NOC3L: variants seen among roughly 807,000 people sequenced by gnomAD.
The protein encoded by NOC3L is nucleolar complex protein 3 homolog.
In NOC3L, 85 loss-of-function variants were observed where a neutral mutation model predicts 102.5. The ratio of observed to expected loss-of-function variants is 0.83; its 90% CI spans 0.70 to 0.99. The LOEUF is 0.99. Ranked by LOEUF, NOC3L falls within the 50% of genes least tolerant of loss-of-function variation. NOC3L has a pLI of 0.00. For synonymous variants in NOC3L, 303 were observed against 309.4 expected (o/e 0.98, Z 0.22); for missense variants, 878 against 914.9 (o/e 0.96, Z 0.52).
intron 17 of NOC3L, 138 bp downstream of exon 17, chr10:94,339,601 T>G: frequency 1.4e-6 from 1 of 734,962 alleles, no homozygotes; most frequent in South Asian, 2.1e-5. Flanking sequence ...ATATACCTCT[T>G]TTGTCACCTG....
intron 10 of NOC3L, among the ~76,000 whole-genome samples, chr10:94,348,063 T>A (rs1171954992): frequency 2.0e-5 from 3 of 150,972 alleles, no homozygotes; most frequent in African/African-American, 7.3e-5. Context: ...CAGCATTTTA[T>A]ATCAGCAGAA....
At chr10:94,341,936 CT>C (rs1347969146) in intron 13 of NOC3L, among the ~76,000 whole-genome samples, 191 bp from the exon 14 acceptor site, 1 of 152,204 alleles carries the variant, frequency 6.6e-6, no homozygotes, top group Non-Finnish European at 1.5e-5. Flanking sequence ...CCATTGAACA[CT>C]AAACTCAGTA....
At chr10:94,336,884 C>T (rs1476923416) in intron 19 of NOC3L, among the ~76,000 whole-genome samples, 1 of 151,542 alleles carries the variant, frequency 6.6e-6, no homozygotes, top group African/African-American at 2.4e-5. Context: ...GCCTGGCCAG[C>T]ATGGTGAAAC....
chr10:94,325,850 T>A, the NOC3L span, among the ~76,000 whole-genome samples: 96 of 152,274 alleles, frequency 6.3e-4, no homozygotes, highest in African/African-American at 2.3e-3. Flanking sequence ...TGTTCTAATT[T>A]AGGTTTGATG....
intron 10 of NOC3L, among the ~76,000 whole-genome samples, chr10:94,347,991 CCTTT>C (rs951612764): frequency 2.0e-5 from 3 of 151,240 alleles, no homozygotes; most frequent in African/African-American, 4.9e-5. Context: ...TCAATTATAC[CCTTT>C]CTGATTATTA....
Position 94,350,253 on chromosome 10 carries a change from C to A in NOC3L, c.988G>T (p.Val330Phe). 5.0e-6 allele frequency: 8 copies of A among 1,614,126 alleles called. No individual in the cohort carries two copies. The highest frequency in any genetic ancestry group is 6.8e-6 in the Non-Finnish European group (8 of 1,180,010). Residue 330 changes from valine (V) to phenylalanine (F), a missense_variant, in exon 9 of 21, where the codon GTT becomes TTT. Transcript: ENST00000371361. Reference sequence around the variant, plus strand: ...AGTCCTTTGTATGCCTTTAAGGAAACTACATTACTTTTCTTCAGCTTCCTC... The same window carrying A: ...AGTCCTTTGTATGCCTTTAAGGAAAATACATTACTTTTCTTCAGCTTCCTC... The part of the protein sequence containing the change: ...KQRKLKKSNV[V>F]SLKAYKGLAE...
At chr10:94,342,946 G>A (rs1194002577) in intron 13 of NOC3L, among the ~76,000 whole-genome samples, 1 of 152,026 alleles carries the variant, frequency 6.6e-6, no homozygotes, top group Admixed American at 6.6e-5. Flanking sequence ...TTAGCCAGGT[G>A]TGATGGCACA....
In NOC3L at chr10:94,355,108, A is replaced by AT; in HGVS notation, c.566-16dup. On this transcript the variant is annotated splice_polypyrimidine_tract_variant and intron_variant, in intron 5 of 20. Transcript: ENST00000371361. ...TTCAATGATCTCTAAAACAGATTAG[A>AT]TGTTCCCTTACATATTCCTCTGCTT... The AT allele has an allele frequency of 2.5e-6, 4 of 1,601,514 alleles. No homozygotes were observed. The highest frequency in any genetic ancestry group is 3.4e-6 in the Non-Finnish European group (4 of 1,172,764).
Position 94,346,472 on chromosome 10 carries a change from T to C in NOC3L, c.1342A>G (p.Met448Val). The C allele has an allele frequency of 6.6e-7, 1 of 1,516,144 alleles. No individual in the cohort carries two copies. The highest frequency in any genetic ancestry group is 8.9e-7 in the Non-Finnish European group (1 of 1,128,450). 93.9% of individuals were successfully genotyped at this position (1,516,144 alleles called of 1,614,324 possible). The change falls in exon 11 of 21, where the codon ATG becomes GTG. Residue 448 changes from methionine (M) to valine (V), a missense_variant. Met to Val is a conservative substitution (Grantham distance 21, BLOSUM62 1). Coordinates refer to ENST00000371361, the MANE Select transcript of NOC3L (RefSeq NM_022451.11). ...TEDINKPKKFMTFKEKRKSLS... is the reference protein window; with the variant it reads ...TEDINKPKKFVTFKEKRKSLS... ...GATTTTCTCTTTTCTTTGAAAGTCA[T>C]AAATTTTTTTGGTTTATTAATGTCT...
At chr10:94,359,994 C>T (rs2054534114) in intron 2 of NOC3L, among the ~76,000 whole-genome samples, 1 of 152,182 alleles carries the variant, frequency 6.6e-6, no homozygotes, top group African/African-American at 2.4e-5. Context: ...TTGGAAACAA[C>T]CTAAGTGTTC....
rs555437599 is a variant in NOC3L at position 94,337,194 on chromosome 10, A to G, written c.2189+583T>C. Among the ~76,000 whole-genome samples the G allele has an allele frequency of 2.0e-5, 3 of 152,280 alleles. No individual in the cohort carries two copies. In the East Asian group the frequency reaches 5.8e-4, roughly 29 times the overall value. The stretch of plus-strand genomic sequence containing the variant: ...CCTTTTCCCCATCTGGGTGTGAGGT[A>G]GATGCTGGAAGTACCCATCCAAGCT... On this transcript the variant is annotated intron_variant, in intron 19 of 20. Coordinates refer to ENST00000371361, the MANE Select transcript of NOC3L (RefSeq NM_022451.11).
chr10:94,329,749 G>T (rs1024016882), downstream of NOC3L: 1 of 116,970 alleles, frequency 8.5e-6, no homozygotes, highest in Non-Finnish European at 1.6e-5. Flanking sequence ...CCACGCTCCA[G>T]CCTGGTGACA....
chr10:94,324,703 GCTTT>G, the NOC3L span: 1 of 1,006,328 alleles, frequency 9.9e-7, no homozygotes, highest in South Asian at 1.3e-5. Flanking sequence ...AAATTGTTTG[GCTTT>G]GTTTTCACTG....
downstream of NOC3L, chr10:94,332,527 GT>G (rs2054172776): frequency 6.6e-6 from 1 of 151,906 alleles, no homozygotes; most frequent in Non-Finnish European, 1.5e-5. Flanking sequence ...GTGTGTGTGT[GT>G]GTGTGTGTGT....
At chr10:94,347,698 A>G (rs1461662708) in intron 10 of NOC3L, among the ~76,000 whole-genome samples, 1 of 152,172 alleles carries the variant, frequency 6.6e-6, no homozygotes, top group African/African-American at 2.4e-5. Context: ...AGACAAATTA[A>G]AATATCTAAG....
intron 1 of NOC3L, 152 bp downstream of exon 1, chr10:94,362,678 G>A (rs915533013): frequency 1.8e-4 from 139 of 775,396 alleles, no homozygotes; most frequent in Non-Finnish European, 2.6e-4. Flanking sequence ...GGGTAACCAA[G>A]GATGAGCTCG....
chr10:94,342,729 C>CAA (rs748792344), intron 13 of NOC3L, among the ~76,000 whole-genome samples: 73 of 81,150 alleles, frequency 9.0e-4, no homozygotes, highest in African/African-American at 2.6e-3. Context: ...TTTACAAAAC[C>CAA]AAAAAAAAAA....
the NOC3L span, chr10:94,327,883 A>G: frequency 2.8e-5 from 12 of 430,416 alleles, no homozygotes; most frequent in East Asian, 6.2e-5. Flanking sequence ...CTGTGGCTGG[A>G]AAACTCTGAA....
chr10:94,319,215 T>C, the NOC3L span, among the ~76,000 whole-genome samples: 1 of 152,174 alleles, frequency 6.6e-6, no homozygotes, highest in Non-Finnish European at 1.5e-5. Flanking sequence ...TTTATATGCC[T>C]TTGTTAGGAA....
Sources: allele counts gnomAD v4.1 joint callset (sites outside exome capture counted in the v4.1 genomes callset), GRCh38; gene constraint gnomAD v4.1.1; transcripts MANE v1.5; gene names NCBI Gene and HGNC (gene_info 2026-07-23, HGNC 2026-07-21).